GALK2: variants seen among roughly 807,000 people sequenced by gnomAD.
GALK2 encodes the protein N-acetylgalactosamine kinase.
In GALK2, 36 loss-of-function variants were observed where a neutral mutation model predicts 52.4. That is an observed-to-expected ratio of 0.69 (90% CI 0.53 to 0.91). The LOEUF (loss-of-function observed/expected upper bound fraction) is 0.91. GALK2 is among the 40% of genes least tolerant of loss of function. The probability of loss-of-function intolerance (pLI) is 0.00; values close to 1 mark genes in which losing one functional copy is unlikely to be tolerated. For missense variants in GALK2, 579 were observed against 559.1 expected (o/e 1.04, Z -0.36); for synonymous variants, 176 against 199.1 (o/e 0.88, Z 0.98).
At chr15:49,208,956 C>G (rs1354793773) in intron 2 of GALK2, among the ~76,000 whole-genome samples, 2 of 152,146 alleles carry the variant, frequency 1.3e-5, no homozygotes, top group African/African-American at 4.8e-5. Context: ...TTTGTTTTGT[C>G]TAATATAAGA....
intron 5 of GALK2, among the ~76,000 whole-genome samples, chr15:49,274,070 A>G (rs1469858649): frequency 6.6e-6 from 1 of 152,168 alleles, no homozygotes; most frequent in Non-Finnish European, 1.5e-5. Flanking sequence ...ATTTCCTGCC[A>G]GAGTCCTCTG....
At chr15:49,192,165 G>T (rs919792397) in intron 1 of GALK2, among the ~76,000 whole-genome samples, 4 of 151,830 alleles carry the variant, frequency 2.6e-5, no homozygotes, top group Non-Finnish European at 5.9e-5. Flanking sequence ...TCCAGTTCTG[G>T]AATCAGCCAT....
chr15:49,186,120 C>T (rs2086318385), intron 1 of GALK2, among the ~76,000 whole-genome samples: 1 of 152,014 alleles, frequency 6.6e-6, no homozygotes, highest in South Asian at 2.1e-4. Context: ...GTTCCATAAC[C>T]TTCTTGTACT....
At chr15:49,232,202 C>T (rs2090540242) in intron 3 of GALK2, among the ~76,000 whole-genome samples, 1 of 152,338 alleles carries the variant, frequency 6.6e-6, no homozygotes, top group Middle Eastern at 3.4e-3. Flanking sequence ...TGAACATTGG[C>T]AGGCTAAACA....
At chr15:49,221,763 G>A (rs2089813165) in intron 3 of GALK2, among the ~76,000 whole-genome samples, 1 of 151,882 alleles carries the variant, frequency 6.6e-6, no homozygotes, top group Admixed American at 6.6e-5. Context: ...ATTATTACTT[G>A]TGTCTGTTTT....
chr15:49,336,359 TC>T (rs533313828), downstream of GALK2, among the ~76,000 whole-genome samples: 269 of 152,300 alleles, frequency 1.8e-3, no homozygotes, highest in African/African-American at 6.2e-3. Flanking sequence ...AACAGACACT[TC>T]CCTTTGAAGT....
intron 7 of GALK2, among the ~76,000 whole-genome samples, chr15:49,288,234 A>G (rs1007568882): frequency 3.9e-5 from 6 of 152,234 alleles, no homozygotes; most frequent in Admixed American, 2.6e-4. Context: ...GTTGAAGAAT[A>G]AAATGTGTGA....
At chr15:49,212,202 C>T (rs1208860377) in intron 2 of GALK2, among the ~76,000 whole-genome samples, 1 of 152,160 alleles carries the variant, frequency 6.6e-6, no homozygotes, top group Non-Finnish European at 1.5e-5. Flanking sequence ...AAGTGATTGT[C>T]CTGCCTCAGC....
intron 3 of GALK2, among the ~76,000 whole-genome samples, chr15:49,351,515 C>T (rs1237311002): frequency 6.6e-6 from 1 of 152,162 alleles, no homozygotes; most frequent in Non-Finnish European, 1.5e-5. Context: ...TGGAGATCTA[C>T]AAGAAAAGTA....
chr15:49,274,249 C>T (rs1235340260), intron 5 of GALK2, among the ~76,000 whole-genome samples: 1 of 152,170 alleles, frequency 6.6e-6, no homozygotes, highest in Non-Finnish European at 1.5e-5. Context: ...GCCTACTACA[C>T]ACCTAGTCTA....
At chr15:49,297,399 A>G (rs117218401) in intron 8 of GALK2, among the ~76,000 whole-genome samples, 2,792 of 152,190 alleles carry the variant, frequency 0.018, 32 homozygotes, top group Non-Finnish European at 0.028. Flanking sequence ...TACTCTGTTG[A>G]CAGTTTCTTT....
At chr15:49,258,142 A>G (rs891474947) in intron 5 of GALK2, among the ~76,000 whole-genome samples, 3 of 152,102 alleles carry the variant, frequency 2.0e-5, no homozygotes, top group Admixed American at 6.6e-5. Flanking sequence ...AATTTTTAAT[A>G]ACATATCTAT....
intron 5 of GALK2, among the ~76,000 whole-genome samples, chr15:49,262,349 T>C (rs900018486): frequency 3.3e-5 from 5 of 152,234 alleles, no homozygotes; most frequent in African/African-American, 1.2e-4. Context: ...TTCTAGTTTA[T>C]TTGCATAGAG....
intron 8 of GALK2, among the ~76,000 whole-genome samples, chr15:49,299,714 C>A (rs1281569973): frequency 2.5e-5 from 1 of 40,640 alleles, no homozygotes; most frequent in African/African-American, 1.2e-4. Context: ...GTATTGCTTT[C>A]TTTCTTTCTT....
intron 3 of GALK2, chr15:49,366,701 G>T (rs1487042526): frequency 1.4e-6 from 2 of 1,393,750 alleles, no homozygotes; most frequent in East Asian, 2.3e-5. Context: ...GGTGGGTGGC[G>T]GGTGGGGTGG....
chr15:49,286,925 T>A (rs909188156), intron 7 of GALK2, among the ~76,000 whole-genome samples: 6 of 152,184 alleles, frequency 3.9e-5, no homozygotes, highest in African/African-American at 1.4e-4. Flanking sequence ...CTCTACCAGA[T>A]CCATAGGTGA....
chr15:49,157,072 A>G (rs2084482347), intron 1 of GALK2, among the ~76,000 whole-genome samples: 1 of 152,216 alleles, frequency 6.6e-6, no homozygotes, highest in Non-Finnish European at 1.5e-5. Context: ...ACATGTTAGC[A>G]TGACTAATCA....
At chr15:49,193,771 A>C (rs2086964913) in intron 1 of GALK2, 1 of 150,796 alleles carries the variant, frequency 6.6e-6, no homozygotes, top group Non-Finnish European at 1.5e-5. Context: ...TCTGTTGCCC[A>C]GGCTGGAGTG....
intron 5 of GALK2, among the ~76,000 whole-genome samples, chr15:49,258,786 A>ATGTGTGTGTGTGTG (rs1347227226): frequency 9.1e-6 from 1 of 109,744 alleles, no homozygotes; most frequent in Admixed American, 9.3e-5. Context: ...GCATATATAT[A>ATGTGTGTGTGTGTG]TATATATATG....
Sources: allele counts gnomAD v4.1 joint callset (sites outside exome capture counted in the v4.1 genomes callset), GRCh38; gene constraint gnomAD v4.1.1; transcripts MANE v1.5; gene names NCBI Gene and HGNC (gene_info 2026-07-23, HGNC 2026-07-21).